Variants in CYFIP1 observed in about 807,000 individuals in gnomAD.
CYFIP1 encodes the protein cytoplasmic FMR1-interacting protein 1.
Under a neutral mutation model 163.5 loss-of-function variants are expected in CYFIP1, and 58 were observed. The observed-to-expected ratio is 0.35, with a 90% CI of 0.29 to 0.44. CYFIP1 has a LOEUF of 0.44. Among genes scored for constraint, CYFIP1 ranks in the 20% least tolerant of loss-of-function variants. CYFIP1 has a pLI of 1.00. For missense variants in CYFIP1, 1,338 were observed against 1,653.8 expected (o/e 0.81, Z 3.31); for synonymous variants, 663 against 660.7 (o/e 1.00, Z -0.05).
At chr15:22,939,969 C>T (rs1297720890) in intron 6 of CYFIP1, among the ~76,000 whole-genome samples, 1 of 152,216 alleles carries the variant, frequency 6.6e-6, no homozygotes, top group African/African-American at 2.4e-5. Flanking sequence ...CTCCCCAGGC[C>T]ACCTCAGGGA....
chr15:22,891,543 A>G (rs2060082874), intron 23 of CYFIP1, among the ~76,000 whole-genome samples: 1 of 152,220 alleles, frequency 6.6e-6, no homozygotes, highest in African/African-American at 2.4e-5. Flanking sequence ...ATCACTGCAC[A>G]CAGTTCAGAC....
chr15:22,880,059 T>A lies in CYFIP1; in HGVS notation c.2912-16A>T. 6.2e-7 allele frequency: 1 copy of A among 1,611,704 alleles called. No individual in the cohort carries two copies. Among genetic ancestry groups the A allele is most frequent in the Non-Finnish European group, 8.5e-7 (1 of 1,179,458 alleles). On this transcript the variant is annotated splice_polypyrimidine_tract_variant and intron_variant, in intron 25 of 30. Transcript: ENST00000617928. Reference sequence around the variant, plus strand: ...TCCAGGATACCTACGGTGGCGGGAGTGAGGTGGGGTTGGGGGACTGGAGGG... The same window carrying A: ...TCCAGGATACCTACGGTGGCGGGAGAGAGGTGGGGTTGGGGGACTGGAGGG...
intron 1 of CYFIP1, among the ~76,000 whole-genome samples, chr15:22,977,822 A>G (rs1050849947): frequency 6.6e-6 from 1 of 151,908 alleles, no homozygotes; most frequent in African/African-American, 2.4e-5. Flanking sequence ...CAAGAGCAAA[A>G]CCCTGTCTCA....
chr15:22,975,117 A>G (rs1354621801), intron 1 of CYFIP1, among the ~76,000 whole-genome samples: 1 of 152,168 alleles, frequency 6.6e-6, no homozygotes, highest in Non-Finnish European at 1.5e-5. Context: ...CTTTATTATG[A>G]GAACACAGTA....
chr15:22,957,971 A>T (rs2062536398), intron 1 of CYFIP1, among the ~76,000 whole-genome samples: 1 of 152,224 alleles, frequency 6.6e-6, no homozygotes, highest in Non-Finnish European at 1.5e-5. Context: ...GGTTTTCCCC[A>T]GGTTAAACGG....
intron 1 of CYFIP1, among the ~76,000 whole-genome samples, chr15:22,961,139 A>G (rs2062666874): frequency 6.6e-6 from 1 of 151,852 alleles, no homozygotes; most frequent in African/African-American, 2.4e-5. Context: ...CTCCTGCCTC[A>G]GCCTCCCGAG....
chr15:22,946,653 G>A, intron 3 of CYFIP1: 2 of 382,992 alleles, frequency 5.2e-6, no homozygotes, highest in Non-Finnish European at 1.0e-5. Flanking sequence ...AAAAAAAGCA[G>A]AACTATAATA....
upstream of CYFIP1, among the ~76,000 whole-genome samples, chr15:22,980,842 G>A (rs1323796448): frequency 1.3e-5 from 2 of 151,978 alleles, no homozygotes; most frequent in Admixed American, 1.3e-4. Context: ...GCTGCAGGTC[G>A]GCGCGCAGAG....
chr15:22,874,582 C>A lies in CYFIP1; in HGVS notation c.3178G>T (p.Val1060Phe). ...LESKYAPLHL[V>F]PLIERLGTPQ... The stretch of plus-strand genomic sequence containing the variant: ...GTCCCCAGTCTTTCAATCAGTGGGA[C>A]AAGATGCAGCGGGGCGTACTTTGAT... The change falls in exon 28 of 31, where the codon GTC (valine) becomes TTC (phenylalanine). Residue 1060 changes from valine to phenylalanine, a missense_variant. Val to Phe is a conservative substitution (Grantham distance 50). Transcript: ENST00000617928. The A allele has an allele frequency of 6.2e-7, 1 of 1,607,542 alleles. No homozygotes were observed. Among genetic ancestry groups the A allele is most frequent in the East Asian group, 2.3e-5 (1 of 44,410 alleles).
intron 1 of CYFIP1, among the ~76,000 whole-genome samples, chr15:22,956,909 A>G (rs1478645026): frequency 6.6e-6 from 1 of 152,228 alleles, no homozygotes; most frequent in Non-Finnish European, 1.5e-5. Context: ...TTTGAGATGT[A>G]TTTACTTCTC....
At chr15:22,907,067 A>G (rs1220061706) in intron 21 of CYFIP1, among the ~76,000 whole-genome samples, 2 of 152,126 alleles carry the variant, frequency 1.3e-5, no homozygotes, top group African/African-American at 4.8e-5. Flanking sequence ...CCCCTCCGCC[A>G]TGATCCTAAC....
intron 1 of CYFIP1, among the ~76,000 whole-genome samples, chr15:22,964,432 C>T (rs1421986502): frequency 6.7e-6 from 1 of 150,192 alleles, no homozygotes; most frequent in African/African-American, 2.5e-5. Context: ...CAGCAGACTC[C>T]GCAGCCTGGA....
intron 1 of CYFIP1, among the ~76,000 whole-genome samples, chr15:22,952,224 T>C (rs2062275115): frequency 6.6e-6 from 1 of 152,102 alleles, no homozygotes; most frequent in African/African-American, 2.4e-5. Context: ...TGACAGGGGC[T>C]GCGTGCTGGG....
chr15:22,903,612 G>T, intron 22 of CYFIP1, 94 bp downstream of exon 22: 1 of 1,307,344 alleles, frequency 7.6e-7, no homozygotes, highest in Non-Finnish European at 1.1e-6. Context: ...AGCAAGAGCA[G>T]GGAGACAGGG....
At chr15:22,950,478 C>T (rs769973466) in intron 1 of CYFIP1, among the ~76,000 whole-genome samples, 1 of 151,234 alleles carries the variant, frequency 6.6e-6, no homozygotes, top group Admixed American at 6.6e-5. Flanking sequence ...GCTTCCTTCA[C>T]GTTACACTAG....
chr15:22,892,664 A>ACGTACG (rs2060113458), intron 23 of CYFIP1, among the ~76,000 whole-genome samples: 1 of 152,136 alleles, frequency 6.6e-6, no homozygotes, highest in South Asian at 2.1e-4. Context: ...TCCCAACACT[A>ACGTACG]CGTACGCGCT....
Position 22,917,188 on chromosome 15 carries a change from C to A in CYFIP1, c.1675-558G>T. On this transcript the variant is annotated intron_variant, in intron 15 of 30. Coordinates refer to ENST00000617928, the MANE Select transcript of CYFIP1 (RefSeq NM_014608.6). The surrounding 1 kb of genome is among the most constrained non-coding windows in gnomAD (Gnocchi z 4.2). ...CCGTCCCCCTGACCCTCCTGCAGAGCCAGCAGCGTGCATTGCTGGTGACTT... is the reference window on the plus strand; with the variant it reads ...CCGTCCCCCTGACCCTCCTGCAGAGACAGCAGCGTGCATTGCTGGTGACTT... 2 of 1,424,980 alleles carry A rather than the reference C, an allele frequency of 1.4e-6. No individual in the cohort carries two copies. The highest frequency in any genetic ancestry group is 3.2e-5 in the South Asian group (2 of 63,080). The allele number at this position is 1,424,980 out of a possible 1,614,324, so 88.3% of individuals were successfully genotyped here. A position where few individuals can be genotyped will look rare whatever the true frequency, so the allele number is the denominator to read the frequency against.
At chr15:22,882,017 A>G in intron 24 of CYFIP1, 81 bp from the exon 25 acceptor site, 1 of 1,252,542 alleles carries the variant, frequency 8.0e-7, no homozygotes, top group Non-Finnish European at 1.1e-6. Context: ...ACCCTGAAAC[A>G]AGTCTGTTAG....
chr15:22,868,504 T>G lies in CYFIP1; in HGVS notation c.*1524A>C, dbSNP rs893747482. 6.6e-6 allele frequency: 1 copy of G among 152,164 alleles called. No individual in the cohort carries two copies. Among genetic ancestry groups the G allele is most frequent in the African/African-American group, 2.4e-5 (1 of 41,402 alleles). 9.4% of individuals were successfully genotyped at this position (152,164 alleles called of 1,614,324 possible). On this transcript the variant is annotated 3_prime_UTR_variant, in exon 31 of 31. Transcript: ENST00000617928. ...ATAATTTTTCATCCTATTCTGTAGT[T>G]TCTAAGATAAGCACAGCTACCACCT...
Sources: allele counts gnomAD v4.1 joint callset (sites outside exome capture counted in the v4.1 genomes callset), GRCh38; gene constraint gnomAD v4.1.1; non-coding constraint Gnocchi (gnomAD v3.1); transcripts MANE v1.5; gene names NCBI Gene and HGNC (gene_info 2026-07-23, HGNC 2026-07-21).